The following SLC1A3 variants were observed in gnomAD, a reference collection of about 807,000 sequenced individuals.
SLC1A3 encodes solute carrier family 1 member 3, also known as excitatory amino acid transporter 1.
SLC1A3 carries 21 observed loss-of-function variants against 48.1 expected under a neutral mutation model. The observed-to-expected ratio is 0.44, with a 90% confidence interval of 0.31 to 0.63. SLC1A3 has a LOEUF of 0.63. Ranked by LOEUF, SLC1A3 falls within the 20% of genes least tolerant of loss-of-function variation. SLC1A3 has a pLI of 0.08. For synonymous variants in SLC1A3, 239 were observed against 251.4 expected, an observed-to-expected ratio of 0.95 and a Z score of 0.47; for missense variants, 546 against 689.0, an observed-to-expected ratio of 0.79 and a Z score of 2.32.
chr5:36,660,622 C>T (rs1741470734), intron 3 of SLC1A3, among the ~76,000 whole-genome samples: 1 of 152,164 alleles, frequency 6.6e-6, no homozygotes, highest in South Asian at 2.1e-4. Flanking sequence ...ACAGGGAAGC[C>T]GACCAATTCT....
intron 5 of SLC1A3, among the ~76,000 whole-genome samples, chr5:36,674,671 G>A (rs1341821656): frequency 6.6e-6 from 1 of 151,866 alleles, no homozygotes; most frequent in Non-Finnish European, 1.5e-5. Flanking sequence ...TCACTGATGG[G>A]GCAGCTCATC....
chr5:36,600,312 A>C lies in SLC1A3; in HGVS notation c.-96+3634A>C, dbSNP rs568361214. 3.3e-5 allele frequency among the ~76,000 whole-genome samples: 5 copies of C among 152,234 alleles called. No individual in the cohort carries two copies. In the East Asian group the frequency reaches 5.8e-4, roughly 18 times the overall value. ...AGATTTGATTGGAACAAAGGGTTAA[A>C]AAAAATTGAAACCCAGACCTCACCT... On this transcript the variant is annotated intron_variant, in intron 1 of 9. Transcript: ENST00000680318.
At chr5:36,635,528 A>T (rs1740305874) in intron 3 of SLC1A3, among the ~76,000 whole-genome samples, 1 of 152,218 alleles carries the variant, frequency 6.6e-6, no homozygotes. Flanking sequence ...TAATCCGGTA[A>T]CAACATGGGA....
chr5:36,673,374 A>C (rs1197547456), intron 4 of SLC1A3, among the ~76,000 whole-genome samples: 1 of 152,214 alleles, frequency 6.6e-6, no homozygotes, highest in African/African-American at 2.4e-5. Context: ...TGACTTGGCC[A>C]GTGTCACACA....
rs531964157 is a variant in SLC1A3, at chr5:36,629,078, G to C, written c.182-372G>C. On this transcript the variant is annotated intron_variant, in intron 2 of 9. Coordinates refer to ENST00000265113, the MANE Select transcript of SLC1A3 (RefSeq NM_004172.5). ...TATAAAGGAACTTAATTAAAATAAA[G>C]CCTTTTTTTTCTATATCACCTGTTC... is the stretch of plus-strand genomic sequence containing the variant. 5.3e-5 allele frequency among the ~76,000 whole-genome samples: 8 copies of C among 152,228 alleles called. No homozygotes were observed. The South Asian group carries it at 1.7e-3, about 32-fold the overall frequency.
chr5:36,629,434 T>A lies in SLC1A3; in HGVS notation c.182-16T>A. The A allele has an allele frequency of 6.2e-7, 1 of 1,608,520 alleles. No individual in the cohort carries two copies. The highest frequency in any genetic ancestry group is 8.5e-7 in the Non-Finnish European group (1 of 1,178,096). ...GACTCAATTTTTCTTTTTCTTTTTT[T>A]TTTTTTTTCCTTCAGGTACAATCCT... On this transcript the variant is annotated splice_polypyrimidine_tract_variant and intron_variant, in intron 2 of 9. Transcript: ENST00000265113.
intron 3 of SLC1A3, among the ~76,000 whole-genome samples, chr5:36,650,748 C>T (rs1741028276): frequency 6.6e-6 from 1 of 152,114 alleles, no homozygotes; most frequent in African/African-American, 2.4e-5. Flanking sequence ...CTTTGTAACC[C>T]ATAGCTTTTA....
At chr5:36,641,698 T>A (rs1561259342) in intron 3 of SLC1A3, among the ~76,000 whole-genome samples, 1 of 152,234 alleles carries the variant, frequency 6.6e-6, no homozygotes, top group Non-Finnish European at 1.5e-5. Flanking sequence ...AGCATTCTTT[T>A]GGCATGGATC....
chr5:36,666,586 T>C (rs1741757991), intron 3 of SLC1A3: 2 of 152,182 alleles, frequency 1.3e-5, no homozygotes, highest in African/African-American at 2.4e-5. Flanking sequence ...ATGGGAATTG[T>C]TGAGGGGAGT....
intron 1 of SLC1A3, among the ~76,000 whole-genome samples, chr5:36,600,277 T>C (rs1226465784): frequency 6.6e-6 from 1 of 152,032 alleles, no homozygotes; most frequent in East Asian, 1.9e-4. Context: ...ATGTTGCTTG[T>C]TTCATCATGA....
At chr5:36,606,390 C>T (rs547519763), upstream of SLC1A3, 5 of 152,352 alleles carry the variant, frequency 3.3e-5, no homozygotes, top group South Asian at 1.0e-3. Flanking sequence ...CCCGGTTTTG[C>T]ATTTCTAATG....
At chr5:36,611,209 C>T (rs965706558) in intron 2 of SLC1A3, among the ~76,000 whole-genome samples, 2 of 150,948 alleles carry the variant, frequency 1.3e-5, no homozygotes, top group Non-Finnish European at 2.9e-5. Flanking sequence ...TTATTTTCCC[C>T]CAAGATGAGA....
intron 3 of SLC1A3, among the ~76,000 whole-genome samples, chr5:36,656,814 T>C (rs1580003959): frequency 6.6e-6 from 1 of 152,358 alleles, no homozygotes; most frequent in Non-Finnish European, 1.5e-5. Flanking sequence ...ACTGGGCATA[T>C]AGTAATCAAT....
intron 3 of SLC1A3, chr5:36,636,516 T>TC: frequency 6.6e-6 from 1 of 150,396 alleles, no homozygotes; most frequent in South Asian, 2.1e-4. Flanking sequence ...TTTCTTTCTT[T>TC]CTTTCTCTCT....
At chr5:36,618,079 A>G (rs1739519623) in intron 2 of SLC1A3, among the ~76,000 whole-genome samples, 1 of 152,248 alleles carries the variant, frequency 6.6e-6, no homozygotes, top group Non-Finnish European at 1.5e-5. Flanking sequence ...GGTTCCGCAG[A>G]CAGACTGAGG....
chr5:36,617,586 G>A (rs1206020828), intron 2 of SLC1A3, among the ~76,000 whole-genome samples: 1 of 151,854 alleles, frequency 6.6e-6, no homozygotes, highest in African/African-American at 2.4e-5. Context: ...TGCCTTTGGA[G>A]AAATGTTATG....
chr5:36,598,714 C>T (rs1170200803), intron 1 of SLC1A3, among the ~76,000 whole-genome samples: 5 of 152,234 alleles, frequency 3.3e-5, no homozygotes, highest in East Asian at 3.9e-4. Context: ...CTTGACCTCC[C>T]GGGCTCAAGT....
intron 2 of SLC1A3, among the ~76,000 whole-genome samples, chr5:36,615,307 A>G (rs915870638): frequency 6.6e-6 from 1 of 152,198 alleles, no homozygotes; most frequent in East Asian, 1.9e-4. Context: ...AAATTCTATC[A>G]TTTTAAGTCT....
At chr5:36,672,300 G>A (rs1742029349) in intron 4 of SLC1A3, among the ~76,000 whole-genome samples, 1 of 152,170 alleles carries the variant, frequency 6.6e-6, no homozygotes, top group Non-Finnish European at 1.5e-5. Flanking sequence ...GAGGGCAAGA[G>A]AACCCATGTG....
Sources: gnomAD v4.1 joint callset for allele counts (sites outside exome capture counted in the v4.1 genomes callset) on GRCh38, gnomAD v4.1.1 for gene constraint, MANE v1.5 for transcripts, NCBI Gene and HGNC (gene_info 2026-07-23, HGNC 2026-07-21) for gene names.